Variants in KCNQ1OT1 observed in about 807,000 individuals in gnomAD.
The protein encoded by KCNQ1OT1 is KCNQ1 antisense RNA 2 (non-protein coding).
In KCNQ1OT1 at chr11:2,698,172, G is replaced by A. The variant is rs1315459106; in HGVS notation, n.1823C>T. On this transcript the variant is annotated non_coding_transcript_exon_variant, in exon 1 of 1. Transcript: ENST00000597346. The surrounding 1 kb of genome is among the most constrained non-coding windows in gnomAD (Gnocchi z 5.1). Reference sequence around the variant, plus strand: ...CAGAGTTCCTCGTTGGGAGCTTTTGGTCTAGCAAAAGGGGCACCACAGTAA... The same window carrying A: ...CAGAGTTCCTCGTTGGGAGCTTTTGATCTAGCAAAAGGGGCACCACAGTAA... The A allele has an allele frequency of 7.5e-6, 3 of 398,630 alleles. No individual in the cohort carries two copies. Among genetic ancestry groups the A allele is most frequent in the East Asian group, 3.6e-5 (1 of 28,080 alleles). The allele number at this position is 398,630 out of a possible 1,614,324, so 24.7% of individuals were successfully genotyped here.
At position 2,664,662 on chromosome 11, in the gene KCNQ1OT1, G is replaced by A. The variant is rs780955344; in HGVS notation, n.35333C>T. ...GGCTCCAGCTGCTCAGGGATGCAGC[G>A]AAGCTCCTGTGGGCAGCCTGGCCCC... On this transcript the variant is annotated non_coding_transcript_exon_variant, in exon 1 of 1. Coordinates refer to ENST00000597346, the Ensembl canonical transcript of KCNQ1OT1. The surrounding 1 kb of genome is among the most constrained non-coding windows in gnomAD (Gnocchi z 5.1). 1.0e-5 allele frequency: 4 copies of A among 398,708 alleles called. No individual in the cohort carries two copies. Among genetic ancestry groups the A allele is most frequent in the African/African-American group, 2.1e-5 (1 of 48,630 alleles). 24.7% of individuals were successfully genotyped at this position (398,708 alleles called of 1,614,324 possible). A position where few individuals can be genotyped will look rare whatever the true frequency, so the allele number is the denominator to read the frequency against.
chr11:2,692,155 T>G (rs1850598617), exon 1 of KCNQ1OT1: 2 of 398,708 alleles, frequency 5.0e-6, no homozygotes, highest in Non-Finnish European at 8.8e-6. Context: ...CCTTTCAGTG[T>G]CACCCATCCT....
exon 1 of KCNQ1OT1, chr11:2,629,610 A>G (rs1267967101): frequency 5.0e-6 from 2 of 398,394 alleles, no homozygotes; most frequent in East Asian, 3.6e-5. Context: ...TTGAATGGAC[A>G]TGGCATGCTT....
exon 1 of KCNQ1OT1, chr11:2,643,782 T>A: frequency 2.5e-6 from 1 of 398,634 alleles, no homozygotes; most frequent in South Asian, 1.3e-4. Context: ...GCCAGTGTAG[T>A]GGCAATTAAT....
In KCNQ1OT1 at chr11:2,661,899, C is replaced by A. The variant is rs1590014759; in HGVS notation, n.38096G>T. Reference sequence around the variant, plus strand: ...TGGCCCTGGGAGCTCACAGGCCTGGCTCCACAGCACTGGCAGGTTGGGTGG... The same window carrying A: ...TGGCCCTGGGAGCTCACAGGCCTGGATCCACAGCACTGGCAGGTTGGGTGG... On this transcript the variant is annotated non_coding_transcript_exon_variant, in exon 1 of 1. Transcript: ENST00000597346. This position sits in a 1 kb window ranked among gnomAD's most constrained non-coding sequence, Gnocchi z 5.9. The A allele has an allele frequency of 6.2e-7, 1 of 1,610,424 alleles. No homozygotes were observed. The highest frequency in any genetic ancestry group is 1.1e-5 in the South Asian group (1 of 90,992).
Position 2,696,665 on chromosome 11 carries a change from A to C in KCNQ1OT1, n.3330T>G, listed in dbSNP as rs1380366766. 1.5e-5 allele frequency: 6 copies of C among 398,556 alleles called. No individual in the cohort carries two copies. In the East Asian group the frequency reaches 2.1e-4, roughly 14 times the overall value. The allele number at this position is 398,556 out of a possible 1,614,324, so 24.7% of individuals were successfully genotyped here. On this transcript the variant is annotated non_coding_transcript_exon_variant, in exon 1 of 1. Transcript: ENST00000597346. Reference sequence around the variant, plus strand: ...ATTTGGAAAATCCTGACGTCATTCTAATGCCAAGTTGCCCTGTTCAAGAAA... The same window carrying C: ...ATTTGGAAAATCCTGACGTCATTCTCATGCCAAGTTGCCCTGTTCAAGAAA...
chr11:2,655,183 A>G (rs1849823523), exon 1 of KCNQ1OT1: 1 of 398,482 alleles, frequency 2.5e-6, no homozygotes. Flanking sequence ...TGAGAGGGTG[A>G]GACTTGGCAG....
In KCNQ1OT1 at chr11:2,617,441, A is replaced by T; in HGVS notation, n.82554T>A. On this transcript the variant is annotated non_coding_transcript_exon_variant, in exon 1 of 1. Transcript: ENST00000597346. The surrounding 1 kb of genome is among the most constrained non-coding windows in gnomAD (Gnocchi z 4.6). ...TGCGGAATAATATTCCATTGTAGACATACACACCACAGTTTAGTCATCCAT... is the reference window on the plus strand; with the variant it reads ...TGCGGAATAATATTCCATTGTAGACTTACACACCACAGTTTAGTCATCCAT... 2.5e-6 allele frequency: 1 copy of T among 398,454 alleles called. No homozygotes were observed. Among genetic ancestry groups the T allele is most frequent in the Non-Finnish European group, 4.4e-6 (1 of 225,940 alleles). The allele number at this position is 398,454 out of a possible 1,614,324, so 24.7% of individuals were successfully genotyped here. A position where few individuals can be genotyped will look rare whatever the true frequency, so the allele number is the denominator to read the frequency against.
Position 2,620,811 on chromosome 11 carries a change from T to C in KCNQ1OT1, n.79184A>G, listed in dbSNP as rs973905245. The C allele has an allele frequency of 2.5e-6, 1 of 398,468 alleles. No individual in the cohort carries two copies. Among genetic ancestry groups the C allele is most frequent in the African/African-American group, 2.1e-5 (1 of 48,622 alleles). 24.7% of individuals were successfully genotyped at this position (398,468 alleles called of 1,614,324 possible). A position where few individuals can be genotyped will look rare whatever the true frequency, so the allele number is the denominator to read the frequency against. On this transcript the variant is annotated non_coding_transcript_exon_variant, in exon 1 of 1. Transcript: ENST00000597346. The surrounding 1 kb of genome is among the most constrained non-coding windows in gnomAD (Gnocchi z 4.5). ...AACTAATTTGTATTCCTGCCAACAG[T>C]GTATAAGCGTTCCCTTTTCTCTGCA... is the stretch of plus-strand genomic sequence containing the variant.
chr11:2,692,764 G>T (rs757503207), exon 1 of KCNQ1OT1: 3 of 398,554 alleles, frequency 7.5e-6, no homozygotes, highest in Non-Finnish European at 1.3e-5. Flanking sequence ...CCAGGGTCTA[G>T]TACCTGCTGA....
At position 2,653,252 on chromosome 11, in the gene KCNQ1OT1, T is replaced by G. The variant is rs1849785289; in HGVS notation, n.46743A>C. The G allele has an allele frequency of 2.5e-6, 1 of 398,616 alleles. No individual in the cohort carries two copies. Among genetic ancestry groups the G allele is most frequent in the African/African-American group, 2.1e-5 (1 of 48,642 alleles). 24.7% of individuals were successfully genotyped at this position (398,616 alleles called of 1,614,324 possible). A position where few individuals can be genotyped will look rare whatever the true frequency, so the allele number is the denominator to read the frequency against. Reference sequence around the variant, plus strand: ...GCCAGCTTCTTTCCCACAAGCCTTCTCCCTGCCCTCTGCCCTGAAAACTAG... The same window carrying G: ...GCCAGCTTCTTTCCCACAAGCCTTCGCCCTGCCCTCTGCCCTGAAAACTAG... On this transcript the variant is annotated non_coding_transcript_exon_variant, in exon 1 of 1. Coordinates refer to ENST00000597346, the Ensembl canonical transcript of KCNQ1OT1. This position sits in a 1 kb window ranked among gnomAD's most constrained non-coding sequence, Gnocchi z 5.3.
chr11:2,628,144 A>G, exon 1 of KCNQ1OT1: 1 of 398,592 alleles, frequency 2.5e-6, no homozygotes, highest in Non-Finnish European at 4.4e-6. Context: ...TTTTCCTTAG[A>G]TATACCCGGA....
At chr11:2,632,633 T>C in exon 1 of KCNQ1OT1, 1 of 398,396 alleles carries the variant, frequency 2.5e-6, no homozygotes, top group Non-Finnish European at 4.4e-6. Flanking sequence ...AATTAGCATA[T>C]TCATCAACTC....
At chr11:2,629,670 A>T (rs954073642) in exon 1 of KCNQ1OT1, 5 of 398,348 alleles carry the variant, frequency 1.3e-5, no homozygotes, top group Non-Finnish European at 2.2e-5. Context: ...GGAGCTCTCT[A>T]TTCTTTTTGA....
rs759611758 is a variant in KCNQ1OT1 at position 2,670,604 on chromosome 11, CA to C, written n.29390del. 38 of 398,288 alleles carry C rather than the reference CA, an allele frequency of 9.5e-5. No individual in the cohort carries two copies. Among genetic ancestry groups the C allele is most frequent in the Non-Finnish European group, 1.5e-4 (35 of 226,072 alleles). The allele number at this position is 398,288 out of a possible 1,614,324, so 24.7% of individuals were successfully genotyped here. A position where few individuals can be genotyped will look rare whatever the true frequency, so the allele number is the denominator to read the frequency against. On this transcript the variant is annotated non_coding_transcript_exon_variant, in exon 1 of 1. Coordinates refer to ENST00000597346, the Ensembl canonical transcript of KCNQ1OT1. This position sits in a 1 kb window ranked among gnomAD's most constrained non-coding sequence, Gnocchi z 4.9. ...AAGCCAGGGCTCATTCCCAGACACA[CA>C]ATCTCTGGGGGAGCCTGGATATGCA... is the stretch of plus-strand genomic sequence containing the variant.
Position 2,679,349 on chromosome 11 carries a change from C to G in KCNQ1OT1, n.20646G>C. 2.5e-6 allele frequency: 1 copy of G among 398,624 alleles called. No homozygotes were observed. The highest frequency in any genetic ancestry group is 4.4e-5 in the Admixed American group (1 of 22,742). 24.7% of individuals were successfully genotyped at this position (398,624 alleles called of 1,614,324 possible). On this transcript the variant is annotated non_coding_transcript_exon_variant, in exon 1 of 1. Coordinates refer to ENST00000597346, the Ensembl canonical transcript of KCNQ1OT1. This position sits in a 1 kb window ranked among gnomAD's most constrained non-coding sequence, Gnocchi z 4.8. The stretch of plus-strand genomic sequence containing the variant: ...ATATCCTAATTCCACTACTTTCTAC[C>G]TGCTACACCTTGAGTGAGTCACTTA...
rs574309279 is a variant in KCNQ1OT1 at position 2,614,192 on chromosome 11, G to A, written n.85803C>T. 4 of 398,476 alleles carry A rather than the reference G, an allele frequency of 1.0e-5. 1 individual carries two copies. Among genetic ancestry groups the A allele is most frequent in the Middle Eastern group, 6.3e-4 (1 of 1,588 alleles). 24.7% of individuals were successfully genotyped at this position (398,476 alleles called of 1,614,324 possible). A position where few individuals can be genotyped will look rare whatever the true frequency, so the allele number is the denominator to read the frequency against. On this transcript the variant is annotated non_coding_transcript_exon_variant, in exon 1 of 1. Transcript: ENST00000597346. ...ACCCCCAAGAGGTGATTCTCTGAGG[G>A]TGCCACCTCAAATCTTAGTCATTTG...
At chr11:2,685,649 C>T (rs2283186) in exon 1 of KCNQ1OT1, 5,755 of 398,656 alleles carry the variant, frequency 0.014, 200 homozygotes, top group East Asian at 0.096. Context: ...GGGACAAGCC[C>T]ACACAGGTAC....
chr11:2,673,475 C>T lies in KCNQ1OT1; in HGVS notation n.26520G>A. On this transcript the variant is annotated non_coding_transcript_exon_variant, in exon 1 of 1. Transcript: ENST00000597346. This position sits in a 1 kb window ranked among gnomAD's most constrained non-coding sequence, Gnocchi z 4.5. Reference sequence around the variant, plus strand: ...CCTTGAGCCGGAACACCTGAAAAGCCATACAGACTCCTGCTCATCACAACC... The same window carrying T: ...CCTTGAGCCGGAACACCTGAAAAGCTATACAGACTCCTGCTCATCACAACC... The T allele has an allele frequency of 2.5e-6, 1 of 398,646 alleles. No individual in the cohort carries two copies. Among genetic ancestry groups the T allele is most frequent in the Non-Finnish European group, 4.4e-6 (1 of 226,090 alleles). 24.7% of individuals were successfully genotyped at this position (398,646 alleles called of 1,614,324 possible).
Sources: gnomAD v4.1 joint callset for allele counts on GRCh38, gnomAD v4.1.1 for gene constraint, Gnocchi (gnomAD v3.1) non-coding constraint, MANE v1.5 for transcripts, NCBI Gene and HGNC (gene_info 2026-07-23, HGNC 2026-07-21) for gene names.